The following KLHL13 variants were observed in gnomAD, a reference collection of about 807,000 sequenced individuals.
KLHL13 encodes kelch-like protein 13.
A neutral mutation model predicts 37.1 loss-of-function variants in KLHL13; 10 were observed. The ratio of observed to expected loss-of-function variants is 0.27; its 90% CI spans 0.17 to 0.46. The LOEUF (loss-of-function observed/expected upper bound fraction) is 0.46, where lower values mean the gene tolerates loss of function less well. Among genes scored for constraint, KLHL13 ranks in the 20% least tolerant of loss-of-function variants. The probability of loss-of-function intolerance (pLI) is 1.00; values close to 1 mark genes in which losing one functional copy is unlikely to be tolerated. For synonymous variants in KLHL13, 163 were observed against 181.2 expected (o/e 0.90, Z 0.81); for missense variants, 360 against 509.3 (o/e 0.71, Z 2.82).
At chrX:118,022,248 T>C (rs558688317) in intron 1 of KLHL13, among the ~76,000 whole-genome samples, 13 of 112,075 alleles carry the variant, frequency 1.2e-4, no homozygotes, top group East Asian at 5.6e-4. Flanking sequence ...CAGTCATCCA[T>C]TGAAAGTTGT....
chrX:117,976,824 G>A (rs2053602537), upstream of KLHL13, among the ~76,000 whole-genome samples: 1 of 111,751 alleles, frequency 8.9e-6, no homozygotes, highest in African/African-American at 3.2e-5. Flanking sequence ...ACAAACAAAG[G>A]ACAATGATGG....
intron 1 of KLHL13, among the ~76,000 whole-genome samples, chrX:118,072,597 T>C (rs1270469972): frequency 9.0e-6 from 1 of 111,225 alleles, no homozygotes; most frequent in Non-Finnish European, 1.9e-5. Flanking sequence ...AAAGGGCTAA[T>C]ATCCAGAATC....
intron 1 of KLHL13, among the ~76,000 whole-genome samples, chrX:118,112,180 A>G (rs2055419313): frequency 8.9e-6 from 1 of 112,403 alleles, no homozygotes; most frequent in South Asian, 3.7e-4. Context: ...GAAAAGTAAA[A>G]CAGTATTAAA....
At chrX:117,899,353 A>T in exon 7 of KLHL13, 1 of 1,208,337 alleles carries the variant, frequency 8.3e-7, no homozygotes, top group Non-Finnish European at 1.1e-6. Context: ...ATCAGGGTCA[A>T]AGCACATGAG....
chrX:117,915,272 G>C (rs911113251), intron 4 of KLHL13, among the ~76,000 whole-genome samples: 1 of 112,044 alleles, frequency 8.9e-6, no homozygotes, highest in Admixed American at 9.4e-5. Flanking sequence ...TTTAGTAACA[G>C]AGGCAAAGCA....
intron 2 of KLHL13, among the ~76,000 whole-genome samples, chrX:117,941,832 C>T (rs1162176456): frequency 9.0e-6 from 1 of 111,603 alleles, no homozygotes; most frequent in Non-Finnish European, 1.9e-5. Flanking sequence ...TCTCTATCTC[C>T]TTCAGTTCTA....
chrX:118,104,977 A>G (rs763360499), intron 1 of KLHL13, among the ~76,000 whole-genome samples: 5 of 112,138 alleles, frequency 4.5e-5, no homozygotes, highest in African/African-American at 6.5e-5. Context: ...ACAAAAACAG[A>G]GCTCTGATTA....
exon 7 of KLHL13, chrX:117,898,788 A>G: frequency 1.2e-6 from 1 of 807,721 alleles, no homozygotes; most frequent in Non-Finnish European, 1.8e-6. Context: ...CTTTTTTCCA[A>G]TATCTGTATC....
chrX:117,920,361 G>A lies in KLHL13; in HGVS notation c.250C>T (p.Gln84Ter). The change falls in exon 3 of 7, where the codon CAG becomes TAG. Residue 84 changes from glutamine to a stop codon, truncating the protein, a stop_gained. Transcript: ENST00000262820. LOFTEE classifies it high-confidence loss of function. The stretch of plus-strand genomic sequence containing the variant: ...CAAAGCAATCCTTCAAGTCGAAGCT[G>A]GTCAAAGCCCTACAACAAGAACATG... 2.5e-6 allele frequency: 3 copies of A among 1,204,144 alleles called. No individual in the cohort carries two copies. Among genetic ancestry groups the A allele is most frequent in the Non-Finnish European group, 3.4e-6 (3 of 892,926 alleles).
intron 1 of KLHL13, chrX:118,028,453 C>A: frequency 8.8e-7 from 1 of 1,132,964 alleles, no homozygotes; most frequent in Non-Finnish European, 1.2e-6. Flanking sequence ...CAACCAATTC[C>A]CCTCTATGCA....
At chrX:117,978,491 G>A (rs2053619382), upstream of KLHL13, among the ~76,000 whole-genome samples, 1 of 111,409 alleles carries the variant, frequency 9.0e-6, no homozygotes, top group Admixed American at 9.6e-5. Flanking sequence ...GGCTGTAAGG[G>A]GAAAGGAAAG....
chrX:118,065,320 T>C (rs2054782969), intron 1 of KLHL13, among the ~76,000 whole-genome samples: 2 of 111,463 alleles, frequency 1.8e-5, no homozygotes, highest in African/African-American at 3.3e-5. Flanking sequence ...GGTAAATGTA[T>C]ACCAACCAGC....
chrX:117,937,483 G>A (rs954290530), intron 2 of KLHL13, among the ~76,000 whole-genome samples: 7 of 111,691 alleles, frequency 6.3e-5, no homozygotes, highest in African/African-American at 2.3e-4. Context: ...CTGAGACCCA[G>A]TTACACTTGT....
chrX:117,976,424 A>C (rs1253790626), upstream of KLHL13, among the ~76,000 whole-genome samples: 1 of 112,215 alleles, frequency 8.9e-6, no homozygotes, highest in Non-Finnish European at 1.9e-5. Context: ...CCTAATTACA[A>C]GTTGGCAGCA....
intron 1 of KLHL13, among the ~76,000 whole-genome samples, chrX:118,001,522 A>G (rs189400428): frequency 8.4e-4 from 94 of 111,862 alleles, no homozygotes; most frequent in African/African-American, 2.9e-3. Context: ...ACATGAGTAT[A>G]CAAGGCTAAA....
intron 1 of KLHL13, among the ~76,000 whole-genome samples, chrX:118,023,596 T>C (rs2054244445): frequency 9.0e-6 from 1 of 111,273 alleles, no homozygotes. Context: ...TTTGACGGAG[T>C]CTTGCTCTGT....
At chrX:117,984,964 A>G (rs1021997221) in intron 1 of KLHL13, among the ~76,000 whole-genome samples, 2 of 110,600 alleles carry the variant, frequency 1.8e-5, no homozygotes, top group African/African-American at 6.6e-5. Flanking sequence ...ATATGTATAT[A>G]TAGATATTTC....
intron 2 of KLHL13, among the ~76,000 whole-genome samples, chrX:117,931,939 C>A (rs1301800536): frequency 9.0e-6 from 1 of 111,256 alleles, no homozygotes; most frequent in East Asian, 2.8e-4. Flanking sequence ...TAATTTATTT[C>A]ACAAACAACA....
chrX:118,110,482 G>A (rs1307484430), intron 1 of KLHL13, among the ~76,000 whole-genome samples: 1 of 105,178 alleles, frequency 9.5e-6, no homozygotes, highest in Admixed American at 1.0e-4. Flanking sequence ...TGTCTCAAGC[G>A]ATTCTCCTGC....
Sources: allele counts gnomAD v4.1 joint callset (sites outside exome capture counted in the v4.1 genomes callset), GRCh38; gene constraint gnomAD v4.1.1; transcripts MANE v1.5; gene names NCBI Gene and HGNC (gene_info 2026-07-23, HGNC 2026-07-21).